The following TBC1D9 variants were observed in gnomAD, a reference collection of about 807,000 sequenced individuals.
TBC1D9 encodes TBC1 domain family member 9A.
TBC1D9 carries 63 observed loss-of-function variants against 132.0 expected under a neutral mutation model. The ratio of observed to expected loss-of-function variants is 0.48; its 90% CI spans 0.39 to 0.59. The LOEUF (loss-of-function observed/expected upper bound fraction) is 0.59. Ranked by LOEUF, TBC1D9 falls within the 20% of genes least tolerant of loss-of-function variation. The pLI is 0.00. For synonymous variants in TBC1D9, 610 were observed against 609.9 expected (o/e 1.00, Z 0.00); for missense variants, 1,261 against 1,592.7 (o/e 0.79, Z 3.54).
rs183463133 is a variant in TBC1D9 at position 140,652,114 on chromosome 4, G to A, written c.2337+4983C>T. ...AGATTAGCCAGCCTTGGTGGTGCACGCCTGTAGTTTCAGCTACTTGGGAGG... is the reference window on the plus strand; with the variant it reads ...AGATTAGCCAGCCTTGGTGGTGCACACCTGTAGTTTCAGCTACTTGGGAGG... On this transcript the variant is annotated intron_variant, in intron 13 of 20. Coordinates refer to ENST00000442267, the MANE Select transcript of TBC1D9 (RefSeq NM_015130.3). Among the ~76,000 whole-genome samples, 416 of 152,102 alleles carry A rather than the reference G, an allele frequency of 2.7e-3. 1 individual carries two copies. The highest frequency in any genetic ancestry group is 5.0e-3 in the Non-Finnish European group (343 of 68,002).
intron 1 of TBC1D9, among the ~76,000 whole-genome samples, chr4:140,733,255 A>C (rs1023567962): frequency 1.3e-5 from 2 of 152,198 alleles, no homozygotes; most frequent in Non-Finnish European, 2.9e-5. Flanking sequence ...CAATACAGAC[A>C]ATATGCCTCT....
In TBC1D9 at chr4:140,722,113, T is replaced by A. The variant is rs891173086; in HGVS notation, c.131-20499A>T. ...TAGTTAACTGAAGTTCAATTCATAG[T>A]AGCAGGGGAGCCTATGGGGGGTGAG... On this transcript the variant is annotated intron_variant, in intron 1 of 20. Coordinates refer to ENST00000442267, the MANE Select transcript of TBC1D9 (RefSeq NM_015130.3). Among the ~76,000 whole-genome samples, 308 of 152,286 alleles carry A rather than the reference T, an allele frequency of 2.0e-3. 2 individuals carry two copies. The highest frequency in any genetic ancestry group is 4.0e-4 in the Non-Finnish European group (27 of 68,020).
At chr4:140,713,807 T>C (rs1738288072) in intron 1 of TBC1D9, among the ~76,000 whole-genome samples, 1 of 152,092 alleles carries the variant, frequency 6.6e-6, no homozygotes, top group Non-Finnish European at 1.5e-5. Flanking sequence ...CTATACACTA[T>C]AAAACATTGT....
Position 140,675,563 on chromosome 4 carries a change from T to A in TBC1D9, c.1059+1331A>T, listed in dbSNP as rs79977748. Among the ~76,000 whole-genome samples, 503 of 152,186 alleles carry A rather than the reference T, an allele frequency of 3.3e-3. 4 individuals are homozygous for A. In the East Asian group the frequency reaches 0.034, roughly 10 times the overall value. The stretch of plus-strand genomic sequence containing the variant: ...CAAAGCTTCCAGACAAGTACCAGAG[T>A]AAGCTATCATCCTGGAGTTAGGATG... On this transcript the variant is annotated intron_variant, in intron 6 of 20. Coordinates refer to ENST00000442267, the MANE Select transcript of TBC1D9 (RefSeq NM_015130.3).
intron 6 of TBC1D9, among the ~76,000 whole-genome samples, chr4:140,675,762 A>G (rs545387206): frequency 5.9e-5 from 9 of 152,292 alleles, no homozygotes; most frequent in African/African-American, 1.9e-4. Flanking sequence ...TGGTTCTAAC[A>G]CAGGAAATCA....
chr4:140,736,211 G>T (rs1738670589), intron 1 of TBC1D9, among the ~76,000 whole-genome samples: 1 of 152,018 alleles, frequency 6.6e-6, no homozygotes, highest in African/African-American at 2.4e-5. Context: ...GAGACAGTGG[G>T]CTCAGAGGAA....
intron 2 of TBC1D9, among the ~76,000 whole-genome samples, chr4:140,699,714 G>A (rs1402417984): frequency 1.3e-5 from 2 of 152,062 alleles, no homozygotes; most frequent in Non-Finnish European, 2.9e-5. Flanking sequence ...GTACCAGATG[G>A]GATACTGAAA....
In TBC1D9 at chr4:140,706,551, A is replaced by G. The variant is rs1317631562; in HGVS notation, c.131-4937T>C. On this transcript the variant is annotated intron_variant, in intron 1 of 20. Coordinates refer to ENST00000442267, the MANE Select transcript of TBC1D9 (RefSeq NM_015130.3). The surrounding 1 kb of genome is among the most constrained non-coding windows in gnomAD (Gnocchi z 4.0). ...TAACACTTTGCCTTACCTGCTTCCG[A>G]TCTATTTTTTTTTTTAACAGAAAGA... is the stretch of plus-strand genomic sequence containing the variant. Among the ~76,000 whole-genome samples the G allele has an allele frequency of 2.6e-5, 4 of 151,900 alleles. No individual in the cohort carries two copies. The highest frequency in any genetic ancestry group is 5.9e-5 in the Non-Finnish European group (4 of 67,998).
At chr4:140,733,787 C>T (rs183995590) in intron 1 of TBC1D9, among the ~76,000 whole-genome samples, 45 of 152,244 alleles carry the variant, frequency 3.0e-4, no homozygotes, top group African/African-American at 1.0e-3. Context: ...TGCACTATAC[C>T]ATTTCCAAAG....
intron 1 of TBC1D9, among the ~76,000 whole-genome samples, chr4:140,752,469 T>C (rs1738941059): frequency 6.6e-6 from 1 of 152,154 alleles, no homozygotes; most frequent in South Asian, 2.1e-4. Flanking sequence ...AGTCTTTATC[T>C]TTGGGGGAGG....
At position 140,620,928 on chromosome 4, in the gene TBC1D9, TAAAGG is replaced by T. The variant is rs1355851889; in HGVS notation, c.*1262_*1266del. ...AAAAAGGACACAATGTATAATAAAA[TAAAGG>T]AATGTGTTGAAAGAAATATTCCAAA... On this transcript the variant is annotated 3_prime_UTR_variant, in exon 21 of 21. Transcript: ENST00000442267. 16 of 152,564 alleles carry T rather than the reference TAAAGG, an allele frequency of 1.0e-4. No homozygotes were observed. In the East Asian group the frequency reaches 1.9e-3, roughly 18 times the overall value. The allele number at this position is 152,564 out of a possible 1,614,324, so 9.5% of individuals were successfully genotyped here.
intron 1 of TBC1D9, among the ~76,000 whole-genome samples, chr4:140,721,409 G>A (rs1163404506): frequency 1.3e-5 from 2 of 152,146 alleles, no homozygotes; most frequent in Admixed American, 6.5e-5. Context: ...TTTGATGAAT[G>A]AGGACACTGG....
intron 16 of TBC1D9, among the ~76,000 whole-genome samples, chr4:140,630,337 T>C (rs1306268188): frequency 5.3e-5 from 8 of 152,200 alleles, no homozygotes; most frequent in Non-Finnish European, 1.2e-4. Context: ...ACTCTGATAT[T>C]GAAGGAGAAG....
chr4:140,634,587 G>A (rs1344641285), intron 15 of TBC1D9, among the ~76,000 whole-genome samples: 2 of 152,174 alleles, frequency 1.3e-5, no homozygotes, highest in African/African-American at 2.4e-5. Flanking sequence ...TTTAGGTAAT[G>A]TGACCGCCTT....
intron 18 of TBC1D9, 127 bp downstream of exon 18, chr4:140,627,314 T>C: frequency 3.1e-6 from 2 of 636,708 alleles, no homozygotes; most frequent in South Asian, 4.0e-5. Context: ...GAAAGGAAAG[T>C]AACCAATTAA....
intron 1 of TBC1D9, among the ~76,000 whole-genome samples, chr4:140,754,351 C>T (rs1261110055): frequency 6.6e-6 from 1 of 152,106 alleles, no homozygotes; most frequent in Non-Finnish European, 1.5e-5. Context: ...AGGTGGCTCA[C>T]GCCTTTAATC....
At position 140,620,950 on chromosome 4, in the gene TBC1D9, T is replaced by C. The variant is rs943871489; in HGVS notation, c.*1245A>G. ...AAATAAAGGAATGTGTTGAAAGAAA[T>C]ATTCCAAAGAAGCAAAGGAAATGAG... On this transcript the variant is annotated 3_prime_UTR_variant, in exon 21 of 21. Coordinates refer to ENST00000442267, the MANE Select transcript of TBC1D9 (RefSeq NM_015130.3). The C allele has an allele frequency of 3.3e-5, 5 of 152,556 alleles. No individual in the cohort carries two copies. The highest frequency in any genetic ancestry group is 1.2e-4 in the African/African-American group (5 of 41,424). 9.5% of individuals were successfully genotyped at this position (152,556 alleles called of 1,614,324 possible). A position where few individuals can be genotyped will look rare whatever the true frequency, so the allele number is the denominator to read the frequency against.
chr4:140,729,946 G>A (rs1738562380), intron 1 of TBC1D9, among the ~76,000 whole-genome samples: 2 of 150,614 alleles, frequency 1.3e-5, no homozygotes, highest in Middle Eastern at 3.4e-3. Flanking sequence ...TGTTTTGAAT[G>A]TATTGTCACC....
At chr4:140,682,440 A>G (rs902241723) in intron 3 of TBC1D9, among the ~76,000 whole-genome samples, 1 of 152,192 alleles carries the variant, frequency 6.6e-6, no homozygotes, top group Non-Finnish European at 1.5e-5. Context: ...AACTGAAGGC[A>G]GCATGAGGGC....
Sources: gnomAD v4.1 joint callset for allele counts (sites outside exome capture counted in the v4.1 genomes callset) on GRCh38, gnomAD v4.1.1 for gene constraint, Gnocchi (gnomAD v3.1) non-coding constraint, MANE v1.5 for transcripts, NCBI Gene and HGNC (gene_info 2026-07-23, HGNC 2026-07-21) for gene names.